Variants in TTC7A observed in about 807,000 individuals in gnomAD.
The protein encoded by TTC7A is tetratricopeptide repeat domain 7A.
TTC7A carries 110 observed loss-of-function variants against 103.7 expected under a neutral mutation model. The ratio of observed to expected loss-of-function variants is 1.06; its 90% CI spans 0.91 to 1.24. The LOEUF is 1.24. TTC7A is among the 50% of genes most tolerant of loss of function. TTC7A has a pLI of 0.00. For missense variants in TTC7A, 1,340 were observed against 1,116.3 expected (o/e 1.20, Z -2.86); for synonymous variants, 521 against 467.9 (o/e 1.11, Z -1.47).
Position 46,944,536 on chromosome 2 carries a change from G to A in TTC7A, c.184+2811G>A, listed in dbSNP as rs146262293. On this transcript the variant is annotated intron_variant, in intron 1 of 19. Transcript: ENST00000319190. ...AAGGAAGGGCAGACTGGGCAACAAA[G>A]TGAGATCCCATCTCTACCCCCTACT... is the stretch of plus-strand genomic sequence containing the variant. Among the ~76,000 whole-genome samples, 498 of 152,084 alleles carry A rather than the reference G, an allele frequency of 3.3e-3. 3 individuals are homozygous for A. Among genetic ancestry groups the A allele is most frequent in the African/African-American group, 0.011 (471 of 41,458 alleles).
chr2:46,976,836 C>G (rs905051305), intron 4 of TTC7A, among the ~76,000 whole-genome samples: 2 of 152,328 alleles, frequency 1.3e-5, no homozygotes, highest in Middle Eastern at 6.8e-3. Flanking sequence ...ACAGCCACTG[C>G]TCTAGAAGAT....
Position 47,050,005 on chromosome 2 carries a change from G to A in TTC7A, c.1976G>A (p.Gly659Asp). ...GGCCTCACCATGAAGAAGCAGAGTG[G>A]CATGCACCTGACTTTGCCTGATGCC... is the stretch of plus-strand genomic sequence containing the variant. ...GEGLTMKKQSGMHLTLPDAHD... is the reference protein window; with the variant it reads ...GEGLTMKKQSDMHLTLPDAHD... The change falls in exon 17 of 20, where the codon GGC becomes GAC. Residue 659 changes from glycine (G) to aspartate (D), a missense_variant. Coordinates refer to ENST00000319190, the MANE Select transcript of TTC7A (RefSeq NM_020458.4). 3 of 1,614,162 alleles carry A rather than the reference G, an allele frequency of 1.9e-6. No homozygotes were observed. Among genetic ancestry groups the A allele is most frequent in the Non-Finnish European group, 2.5e-6 (3 of 1,180,032 alleles).
intron 3 of TTC7A, among the ~76,000 whole-genome samples, chr2:46,961,577 A>AAATAAAT (rs1207250141): frequency 1.7e-3 from 3 of 1,808 alleles, no homozygotes; most frequent in East Asian, 0.012. Flanking sequence ...ACTCCATCTC[A>AAATAAAT]AATAAATAAA....
chr2:47,074,266 C>T lies in TTC7A; in HGVS notation c.*343C>T, dbSNP rs1336595100. 8.6e-6 allele frequency: 3 copies of T among 348,436 alleles called. No individual in the cohort carries two copies. The highest frequency in any genetic ancestry group is 1.6e-5 in the Non-Finnish European group (3 of 184,788). The allele number at this position is 348,436 out of a possible 1,614,324, so 21.6% of individuals were successfully genotyped here. A position where few individuals can be genotyped will look rare whatever the true frequency, so the allele number is the denominator to read the frequency against. On this transcript the variant is annotated 3_prime_UTR_variant, in exon 20 of 20. Coordinates refer to ENST00000319190, the MANE Select transcript of TTC7A (RefSeq NM_020458.4). ...GCTTGGAGTCTGGGTGGGGGGTTCTCACTCCCCACTCTCAGCACAGTACAG... is the reference window on the plus strand; with the variant it reads ...GCTTGGAGTCTGGGTGGGGGGTTCTTACTCCCCACTCTCAGCACAGTACAG...
At chr2:47,050,145 C>A in intron 17 of TTC7A, 99 bp downstream of exon 17, 3 of 1,017,458 alleles carry the variant, frequency 2.9e-6, no homozygotes, top group South Asian at 1.4e-5. Flanking sequence ...CCTCTCCCAG[C>A]CGGGCCAAGC....
At chr2:46,946,951 T>A (rs753460372) in intron 1 of TTC7A, among the ~76,000 whole-genome samples, 11 of 151,942 alleles carry the variant, frequency 7.2e-5, no homozygotes, top group Admixed American at 1.3e-4. Context: ...ACAAGTAGAT[T>A]GAGTTGGGGG....
At chr2:47,066,893 A>G (rs529866152) in intron 19 of TTC7A, among the ~76,000 whole-genome samples, 6 of 152,334 alleles carry the variant, frequency 3.9e-5, no homozygotes, top group African/African-American at 1.4e-4. Flanking sequence ...ATTTACAATA[A>G]GCAGAAACTT....
intron 8 of TTC7A, chr2:46,999,812 G>C: frequency 1.0e-6 from 1 of 985,466 alleles, no homozygotes; most frequent in African/African-American, 1.7e-5. Context: ...TTGGATCCCT[G>C]TTTCATTCAG....
At chr2:46,934,126 CA>C (rs1669847145) in intron 2 of TTC7A, among the ~76,000 whole-genome samples, 1 of 151,500 alleles carries the variant, frequency 6.6e-6, no homozygotes, top group Admixed American at 6.6e-5. Flanking sequence ...GAACAGAAAC[CA>C]TCTACACCTA....
upstream of TTC7A, among the ~76,000 whole-genome samples, chr2:46,939,479 A>T (rs147475335): frequency 3.3e-4 from 50 of 152,296 alleles, no homozygotes; most frequent in East Asian, 9.1e-3. Flanking sequence ...GTTCCTCCCC[A>T]CACTCCTTTA....
At chr2:47,061,107 G>GCCCCCTCCCCTA in intron 19 of TTC7A, 136 bp downstream of exon 19, 3 of 917,644 alleles carry the variant, frequency 3.3e-6, no homozygotes, top group Non-Finnish European at 4.8e-6. Flanking sequence ...GTCTAGGGGA[G>GCCCCCTCCCCTA]GGGGCTTCCC....
At chr2:47,070,279 A>C (rs1226894719) in intron 19 of TTC7A, among the ~76,000 whole-genome samples, 1 of 152,204 alleles carries the variant, frequency 6.6e-6, no homozygotes, top group East Asian at 1.9e-4. Flanking sequence ...GAGGCTCCCC[A>C]CTGAGTGTGA....
chr2:46,956,385 T>C (rs994744286), intron 2 of TTC7A, among the ~76,000 whole-genome samples: 1 of 152,142 alleles, frequency 6.6e-6, no homozygotes, highest in Non-Finnish European at 1.5e-5. Context: ...CACCTAATTA[T>C]GATTTGCATA....
chr2:47,050,743 G>A (rs554824157), intron 17 of TTC7A: 1 of 152,338 alleles, frequency 6.6e-6, no homozygotes, highest in Non-Finnish European at 1.5e-5. Flanking sequence ...CATCTCAGGG[G>A]TGTATGGCTG....
chr2:47,065,737 C>G (rs1219770755), intron 19 of TTC7A: 2 of 152,238 alleles, frequency 1.3e-5, no homozygotes, highest in East Asian at 3.9e-4. Context: ...GAAGAAGGTC[C>G]TAGCCCTGGC....
chr2:47,069,413 A>T (rs375103304), intron 19 of TTC7A, among the ~76,000 whole-genome samples: 2 of 152,004 alleles, frequency 1.3e-5, no homozygotes, highest in South Asian at 4.2e-4. Flanking sequence ...GGTACTCACT[A>T]CCCCAGGAGA....
At chr2:46,940,409 C>T (rs1670228957), upstream of TTC7A, among the ~76,000 whole-genome samples, 1 of 152,104 alleles carries the variant, frequency 6.6e-6, no homozygotes, top group African/African-American at 2.4e-5. This position sits in a 1 kb window ranked among gnomAD's most constrained non-coding sequence, Gnocchi z 4.7. Context: ...GGGGCCGGGC[C>T]CCTGTAAGAG....
At chr2:46,956,225 C>T (rs1293300655) in intron 2 of TTC7A, among the ~76,000 whole-genome samples, 1 of 152,206 alleles carries the variant, frequency 6.6e-6, no homozygotes, top group Non-Finnish European at 1.5e-5. Context: ...AATTCAGCCA[C>T]TCTTGGCCTC....
At chr2:46,962,809 A>G (rs1336988901) in intron 3 of TTC7A, among the ~76,000 whole-genome samples, 1 of 152,008 alleles carries the variant, frequency 6.6e-6, no homozygotes, top group Non-Finnish European at 1.5e-5. Context: ...TGGGCAGCCC[A>G]CCCCCTGATG....
Sources: gnomAD v4.1 joint callset for allele counts (sites outside exome capture counted in the v4.1 genomes callset) on GRCh38, gnomAD v4.1.1 for gene constraint, Gnocchi (gnomAD v3.1) non-coding constraint, MANE v1.5 for transcripts, NCBI Gene and HGNC (gene_info 2026-07-23, HGNC 2026-07-21) for gene names.